SPOCK3: variants seen among roughly 807,000 people sequenced by gnomAD.
The protein encoded by SPOCK3 is testican-3.
SPOCK3 carries 30 observed loss-of-function variants against 56.6 expected under a neutral mutation model. That is an observed-to-expected ratio of 0.53 (90% confidence interval 0.40 to 0.72). SPOCK3 has a LOEUF of 0.72. SPOCK3 is among the 30% of genes least tolerant of loss of function. SPOCK3 has a pLI of 0.00. For missense variants in SPOCK3, 527 were observed against 530.0 expected, an observed-to-expected ratio of 0.99 and a Z score of 0.06; for synonymous variants, 196 against 183.3, an observed-to-expected ratio of 1.07 and a Z score of -0.56.
At chr4:166,831,818 G>C (rs1370010181) in intron 6 of SPOCK3, among the ~76,000 whole-genome samples, 1 of 134,690 alleles carries the variant, frequency 7.4e-6, no homozygotes, top group African/African-American at 2.8e-5. Flanking sequence ...CCTACCCTCT[G>C]CTTGCTTTAT....
At chr4:166,989,808 A>T (rs1359528399) in intron 4 of SPOCK3, among the ~76,000 whole-genome samples, 1 of 152,186 alleles carries the variant, frequency 6.6e-6, no homozygotes, top group Non-Finnish European at 1.5e-5. Flanking sequence ...TCAGTGTCTT[A>T]ATACAAAAGT....
intron 6 of SPOCK3, among the ~76,000 whole-genome samples, chr4:166,813,051 G>A (rs1480614807): frequency 2.6e-5 from 4 of 151,748 alleles, no homozygotes; most frequent in Non-Finnish European, 2.9e-5. Flanking sequence ...ATCATATCAG[G>A]GAAACACAGC....
chr4:166,926,855 T>C (rs1018068904), intron 4 of SPOCK3, among the ~76,000 whole-genome samples: 1 of 152,188 alleles, frequency 6.6e-6, no homozygotes, highest in African/African-American at 2.4e-5. Context: ...AATGGCCACA[T>C]TGAACAAAGT....
chr4:167,143,657 AT>A (rs1480657082), intron 2 of SPOCK3, among the ~76,000 whole-genome samples: 1 of 151,936 alleles, frequency 6.6e-6, no homozygotes, highest in African/African-American at 2.4e-5. Flanking sequence ...GGGCTGGTTT[AT>A]AATAGCATCT....
At chr4:167,122,798 C>T (rs1033050852) in intron 2 of SPOCK3, among the ~76,000 whole-genome samples, 8 of 151,982 alleles carry the variant, frequency 5.3e-5, no homozygotes, top group Admixed American at 6.6e-5. Context: ...AATAAATTTT[C>T]GATATTTTCA....
intron 4 of SPOCK3, among the ~76,000 whole-genome samples, chr4:166,935,864 T>C (rs1045859293): frequency 2.6e-5 from 4 of 152,246 alleles, no homozygotes; most frequent in Admixed American, 6.5e-5. Flanking sequence ...ATTTTGAAGA[T>C]AGAGATAACA....
chr4:167,146,906 G>C (rs1764010615), intron 2 of SPOCK3, among the ~76,000 whole-genome samples: 1 of 151,962 alleles, frequency 6.6e-6, no homozygotes, highest in African/African-American at 2.4e-5. Flanking sequence ...AAGAACTAGA[G>C]AAGCAAGAGC....
intron 6 of SPOCK3, among the ~76,000 whole-genome samples, chr4:166,871,929 T>C (rs1007515873): frequency 1.3e-5 from 2 of 150,988 alleles, no homozygotes; most frequent in Non-Finnish European, 3.0e-5. Context: ...AAAAAAAAAT[T>C]GAGCATACCA....
chr4:167,115,915 C>G (rs1173601980), intron 2 of SPOCK3, among the ~76,000 whole-genome samples: 2 of 151,888 alleles, frequency 1.3e-5, no homozygotes, highest in African/African-American at 4.8e-5. Context: ...TCTAAACAAA[C>G]TAAAACAGAG....
At chr4:166,939,941 G>A (rs1244657371) in intron 4 of SPOCK3, among the ~76,000 whole-genome samples, 3 of 152,068 alleles carry the variant, frequency 2.0e-5, no homozygotes, top group Non-Finnish European at 2.9e-5. Flanking sequence ...CTTTAGTTGA[G>A]TTACTTTTTT....
intron 4 of SPOCK3, among the ~76,000 whole-genome samples, chr4:166,944,618 C>T (rs1222292784): frequency 6.6e-6 from 1 of 151,982 alleles, no homozygotes; most frequent in African/African-American, 2.4e-5. Context: ...GAATGTTTCT[C>T]AGTTTGGGTT....
chr4:167,083,173 T>G (rs978482419), intron 2 of SPOCK3: 16 of 764,664 alleles, frequency 2.1e-5, no homozygotes, highest in Non-Finnish European at 3.8e-5. Context: ...ACAGACAAGA[T>G]GTATTGAGAT....
At chr4:166,773,067 C>T (rs1739139390) in intron 7 of SPOCK3, among the ~76,000 whole-genome samples, 1 of 152,174 alleles carries the variant, frequency 6.6e-6, no homozygotes, top group African/African-American at 2.4e-5. Context: ...GCTGGGACTA[C>T]AGTCATGAGC....
intron 4 of SPOCK3, among the ~76,000 whole-genome samples, chr4:166,918,758 C>T (rs1738169383): frequency 6.6e-6 from 1 of 152,030 alleles, no homozygotes; most frequent in Admixed American, 6.5e-5. Context: ...TGTTTTTTCC[C>T]TCCAAATGTC....
At chr4:166,842,884 C>G (rs1407981966) in intron 6 of SPOCK3, among the ~76,000 whole-genome samples, 1 of 152,248 alleles carries the variant, frequency 6.6e-6, no homozygotes, top group East Asian at 1.9e-4. Flanking sequence ...TGCTGTGTAG[C>G]AGGGGATGGT....
intron 2 of SPOCK3, among the ~76,000 whole-genome samples, chr4:167,179,283 C>T (rs927149208): frequency 1.3e-5 from 2 of 152,128 alleles, no homozygotes; most frequent in African/African-American, 2.4e-5. Context: ...CATTTTTATG[C>T]GTCTATGCTA....
intron 2 of SPOCK3, among the ~76,000 whole-genome samples, chr4:167,152,350 G>A (rs949558352): frequency 2.0e-5 from 3 of 152,124 alleles, no homozygotes; most frequent in African/African-American, 4.8e-5. Context: ...GAAGAGAGCC[G>A]CAAAATGATT....
At chr4:167,131,611 A>G (rs1299377237) in intron 2 of SPOCK3, among the ~76,000 whole-genome samples, 2 of 152,132 alleles carry the variant, frequency 1.3e-5, no homozygotes, top group Admixed American at 6.5e-5. Context: ...CCCCACAAAA[A>G]AAACCAAAAC....
chr4:166,846,208 G>T (rs1464798579), intron 6 of SPOCK3, among the ~76,000 whole-genome samples: 1 of 152,034 alleles, frequency 6.6e-6, no homozygotes, highest in Non-Finnish European at 1.5e-5. Flanking sequence ...TTTTTGGTCT[G>T]CCAGGGATTA....
Sources: allele counts gnomAD v4.1 joint callset (sites outside exome capture counted in the v4.1 genomes callset), GRCh38; gene constraint gnomAD v4.1.1; transcripts MANE v1.5; gene names NCBI Gene and HGNC (gene_info 2026-07-23, HGNC 2026-07-21).